WDR26: variants seen among roughly 807,000 people sequenced by gnomAD.
WDR26 encodes WD repeat domain 26.
In WDR26, 5 loss-of-function variants were observed where a neutral mutation model predicts 84.1. The observed-to-expected ratio is 0.06, with a 90% CI of 0.03 to 0.13. The LOEUF (loss-of-function observed/expected upper bound fraction) is 0.13. Among genes scored for constraint, WDR26 ranks in the 10% least tolerant of loss-of-function variants. WDR26 has a pLI of 1.00. For synonymous variants in WDR26, 415 were observed against 389.6 expected (o/e 1.07, Z -0.77); for missense variants, 642 against 974.9 (o/e 0.66, Z 4.55).
chr1:224,389,084 CTG>C lies in WDR26; in HGVS notation c.*749_*750del, dbSNP rs1181273011. The C allele has an allele frequency of 2.6e-5, 4 of 152,724 alleles. No homozygotes were observed. The highest frequency in any genetic ancestry group is 7.2e-5 in the African/African-American group (3 of 41,556). 9.5% of individuals were successfully genotyped at this position (152,724 alleles called of 1,614,324 possible). A position where few individuals can be genotyped will look rare whatever the true frequency, so the allele number is the denominator to read the frequency against. ...CTGTGTATCTAAGTCATTGAGGAAA[CTG>C]TTTTTAAGCTGGTTTAGATTCCAAA... On this transcript the variant is annotated 3_prime_UTR_variant, in exon 14 of 14. Coordinates refer to ENST00000414423, the MANE Select transcript of WDR26 (RefSeq NM_001379403.1).
At chr1:224,418,444 G>A in intron 5 of WDR26, 28 bp from the exon 6 acceptor site, 1 of 1,564,778 alleles carries the variant, frequency 6.4e-7, no homozygotes, top group Non-Finnish European at 8.6e-7. Context: ...TTAAAAAAGA[G>A]AAATAATAAT....
At chr1:224,400,174 A>G (rs562835549) in intron 9 of WDR26, among the ~76,000 whole-genome samples, 3 of 152,328 alleles carry the variant, frequency 2.0e-5, no homozygotes, top group Non-Finnish European at 2.9e-5. Context: ...ACAATTCAAA[A>G]TAATTAGGGC....
At chr1:224,424,105 G>A (rs1252268292) in intron 4 of WDR26, among the ~76,000 whole-genome samples, 3 of 152,206 alleles carry the variant, frequency 2.0e-5, no homozygotes, top group Non-Finnish European at 4.4e-5. Context: ...GGCTGTTTAT[G>A]TGAAAAGCTT....
At chr1:224,401,671 C>CAAAAAAAAAAAAAAAAAAAAAAAAAAAAA (rs767368281) in intron 8 of WDR26, among the ~76,000 whole-genome samples, 64 of 49,634 alleles carry the variant, frequency 1.3e-3, no homozygotes, top group Non-Finnish European at 1.5e-3. Context: ...GAGACTGTCT[C>CAAAAAAAAAAAAAAAAAAAAAAAAAAAAA]AAAAAAAAAA....
chr1:224,411,686 G>T, intron 6 of WDR26, 121 bp from the exon 7 acceptor site: 1 of 1,066,648 alleles, frequency 9.4e-7, no homozygotes, highest in Non-Finnish European at 1.3e-6. Flanking sequence ...AAAATAAGAA[G>T]TGAATGCATT....
chr1:224,433,600 T>TCCCCCCC, intron 1 of WDR26, 84 bp downstream of exon 1: 1 of 287,050 alleles, frequency 3.5e-6, no homozygotes, highest in Non-Finnish European at 6.3e-6. Context: ...CAAGCCCCCC[T>TCCCCCCC]CCCCCCTCCG....
At chr1:224,391,157 G>A (rs1673113633) in intron 13 of WDR26, among the ~76,000 whole-genome samples, 3 of 151,318 alleles carry the variant, frequency 2.0e-5, no homozygotes, top group South Asian at 4.2e-4. Context: ...ACCTGAAGTC[G>A]GGAGTTCAAG....
At chr1:224,410,508 C>T (rs1673706721) in intron 7 of WDR26, among the ~76,000 whole-genome samples, 1 of 151,818 alleles carries the variant, frequency 6.6e-6, no homozygotes, top group Admixed American at 6.6e-5. Flanking sequence ...TTAGAGGGAA[C>T]TTACAATTTT....
chr1:224,401,531 A>G lies in WDR26; in HGVS notation c.1600-462T>C, dbSNP rs545426872. ...GATTAATGAGTAAAAAACTGTACCC[A>G]TACATGGTGGTGCATGCCTATAATC... On this transcript the variant is annotated intron_variant, in intron 8 of 13. Transcript: ENST00000414423. 1.4e-4 allele frequency among the ~76,000 whole-genome samples: 22 copies of G among 151,956 alleles called. No individual in the cohort carries two copies. In the South Asian group the frequency reaches 4.4e-3, roughly 30 times the overall value.
intron 8 of WDR26, among the ~76,000 whole-genome samples, chr1:224,401,701 A>AG (rs775010249): frequency 1.0e-4 from 5 of 49,818 alleles, no homozygotes; most frequent in Non-Finnish European, 1.6e-4. Flanking sequence ...AAAAAAAAAA[A>AG]GAAAAAAGAA....
intron 11 of WDR26, 139 bp downstream of exon 11, chr1:224,398,376 C>T (rs560941610): frequency 1.6e-6 from 2 of 1,258,356 alleles, no homozygotes; most frequent in Non-Finnish European, 2.2e-6. Context: ...GTTGATTATA[C>T]ACATTTAAGG....
chr1:224,398,669 G>A, intron 10 of WDR26, 76 bp from the exon 11 acceptor site: 1 of 1,361,030 alleles, frequency 7.3e-7, no homozygotes, highest in Non-Finnish European at 1.0e-6. Flanking sequence ...CATAAGATGT[G>A]CTAGCTTAAG....
chr1:224,421,073 G>A (rs1162889678), intron 4 of WDR26, among the ~76,000 whole-genome samples: 1 of 152,132 alleles, frequency 6.6e-6, no homozygotes, highest in East Asian at 1.9e-4. Flanking sequence ...ATGAATTTCT[G>A]TTTACAGAAA....
At chr1:224,405,075 T>A (rs1673515541) in intron 7 of WDR26, among the ~76,000 whole-genome samples, 1 of 152,110 alleles carries the variant, frequency 6.6e-6, no homozygotes, top group Non-Finnish European at 1.5e-5. Flanking sequence ...CTCCTACCCA[T>A]CAGCAGCTGC....
At chr1:224,409,007 T>C (rs1355730243) in intron 7 of WDR26, among the ~76,000 whole-genome samples, 1 of 152,094 alleles carries the variant, frequency 6.6e-6, no homozygotes, top group East Asian at 1.9e-4. Flanking sequence ...TGCAGGCAAT[T>C]AACAAGGTAG....
chr1:224,432,127 T>C (rs1674409197), intron 1 of WDR26, among the ~76,000 whole-genome samples: 1 of 152,202 alleles, frequency 6.6e-6, no homozygotes, highest in Non-Finnish European at 1.5e-5. Flanking sequence ...TACGTTACAT[T>C]TTGAAAGATA....
intron 7 of WDR26, among the ~76,000 whole-genome samples, chr1:224,407,173 A>ATATATATATATATATATATAT (rs1558426297): frequency 1.2e-5 from 1 of 81,480 alleles, no homozygotes; most frequent in African/African-American, 5.1e-5. Flanking sequence ...TATATATATA[A>ATATATATATATATATATATAT]CTCAAAAACT....
intron 3 of WDR26, 156 bp from the exon 4 acceptor site, chr1:224,424,810 G>C (rs541157535): frequency 1.2e-6 from 1 of 837,826 alleles, no homozygotes; most frequent in South Asian, 1.7e-5. Context: ...TAGTTTAGTA[G>C]AGCCACAGTA....
rs867580804 is a variant in WDR26 at position 224,385,612 on chromosome 1, C to G, written c.*4223G>C. Reference sequence around the variant, plus strand: ...ATGTAAATCTTGACAATTTAGAAATCTTGAGATCAACACTTAAGTTCTTTT... The same window carrying G: ...ATGTAAATCTTGACAATTTAGAAATGTTGAGATCAACACTTAAGTTCTTTT... On this transcript the variant is annotated 3_prime_UTR_variant, in exon 14 of 14. Coordinates refer to ENST00000414423, the MANE Select transcript of WDR26 (RefSeq NM_001379403.1). 3 of 151,922 alleles carry G rather than the reference C, an allele frequency of 2.0e-5. No individual in the cohort carries two copies. The highest frequency in any genetic ancestry group is 2.1e-4 in the South Asian group (1 of 4,782). The allele number at this position is 151,922 out of a possible 1,614,324, so 9.4% of individuals were successfully genotyped here.
Sources: gnomAD v4.1 joint callset for allele counts (sites outside exome capture counted in the v4.1 genomes callset) on GRCh38, gnomAD v4.1.1 for gene constraint, MANE v1.5 for transcripts, NCBI Gene and HGNC (gene_info 2026-07-23, HGNC 2026-07-21) for gene names.